Variants in CDK8 observed in about 807,000 individuals in gnomAD.
CDK8 encodes cyclin-dependent kinase 8.
CDK8 carries 29 observed loss-of-function variants against 71.5 expected under a neutral mutation model. That is an observed-to-expected ratio of 0.41 (90% CI 0.30 to 0.55). The LOEUF (loss-of-function observed/expected upper bound fraction) is 0.55, where lower values mean the gene tolerates loss of function less well. CDK8 is among the 20% of genes least tolerant of loss of function. The probability of loss-of-function intolerance (pLI) is 0.37; values close to 1 mark genes in which losing one functional copy is unlikely to be tolerated. For synonymous variants in CDK8, 161 were observed against 192.1 expected, an observed-to-expected ratio of 0.84 and a Z score of 1.34; for missense variants, 288 against 572.6, an observed-to-expected ratio of 0.50 and a Z score of 5.07.
At chr13:26,398,152 A>G (rs570895641) in intron 9 of CDK8, among the ~76,000 whole-genome samples, 3 of 152,246 alleles carry the variant, frequency 2.0e-5, no homozygotes, top group African/African-American at 7.2e-5. Context: ...TATATCATGT[A>G]TTTCATATCT....
chr13:26,348,228 T>G (rs1253306923), intron 2 of CDK8, among the ~76,000 whole-genome samples: 1 of 152,108 alleles, frequency 6.6e-6, no homozygotes, highest in Non-Finnish European at 1.5e-5. Flanking sequence ...TTAGGAAGAT[T>G]CTTAGGGACA....
chr13:26,374,679 AGAGT>A (rs1874863337), intron 4 of CDK8, among the ~76,000 whole-genome samples: 1 of 152,196 alleles, frequency 6.6e-6, no homozygotes, highest in Non-Finnish European at 1.5e-5. Context: ...ACAAAACTAC[AGAGT>A]AAGTCATATG....
At chr13:26,389,555 A>C (rs1490363618) in intron 6 of CDK8, among the ~76,000 whole-genome samples, 1 of 152,124 alleles carries the variant, frequency 6.6e-6, no homozygotes, top group Non-Finnish European at 1.5e-5. Context: ...AAACCAAGGT[A>C]AGTGCCATTT....
chr13:26,272,327 A>G (rs190985212), intron 1 of CDK8, among the ~76,000 whole-genome samples: 154 of 152,170 alleles, frequency 1.0e-3, no homozygotes, highest in Admixed American at 2.6e-3. Context: ...AAGAAAAAAA[A>G]GTTTTTATTT....
At chr13:26,298,016 C>T (rs1873642772) in intron 1 of CDK8, among the ~76,000 whole-genome samples, 1 of 152,014 alleles carries the variant, frequency 6.6e-6, no homozygotes, top group African/African-American at 2.4e-5. Flanking sequence ...CCTATTAAAG[C>T]CTCCTCCACC....
chr13:26,255,500 T>C (rs1871484165), intron 1 of CDK8, among the ~76,000 whole-genome samples: 1 of 152,214 alleles, frequency 6.6e-6, no homozygotes, highest in Non-Finnish European at 1.5e-5. Flanking sequence ...TATTCTTCCC[T>C]AGTAACAACT....
intron 4 of CDK8, among the ~76,000 whole-genome samples, chr13:26,358,027 C>A (rs1253671167): frequency 1.3e-5 from 2 of 152,176 alleles, no homozygotes; most frequent in African/African-American, 4.8e-5. Context: ...CTTGGCTGGG[C>A]ATGGTGGCTC....
At chr13:26,363,327 C>CTAAAAAAAAAAAAA (rs1874234642) in intron 4 of CDK8, among the ~76,000 whole-genome samples, 1 of 45,240 alleles carries the variant, frequency 2.2e-5, no homozygotes, top group African/African-American at 1.0e-4. Context: ...GACTCCATCT[C>CTAAAAAAAAAAAAA]AAAAAAAAAA....
At chr13:26,393,311 TTTTC>T in intron 6 of CDK8, 52 bp from the exon 7 acceptor site, 6 of 1,216,352 alleles carry the variant, frequency 4.9e-6, no homozygotes, top group Non-Finnish European at 5.7e-6. Flanking sequence ...GCACCTTTCT[TTTTC>T]TTTTTTCCTT....
At chr13:26,300,947 A>G (rs1476012074) in intron 1 of CDK8, among the ~76,000 whole-genome samples, 1 of 152,216 alleles carries the variant, frequency 6.6e-6, no homozygotes, top group Non-Finnish European at 1.5e-5. Flanking sequence ...TAGTCTATTT[A>G]TAGCCCTGGG....
At position 26,254,304 on chromosome 13, in the gene CDK8, G is replaced by C. The variant is rs1207515383; in HGVS notation, c.-338G>C. 1 of 283,718 alleles carries C rather than the reference G, an allele frequency of 3.5e-6. No individual in the cohort carries two copies. The highest frequency in any genetic ancestry group is 2.2e-5 in the African/African-American group (1 of 45,498). The allele number at this position is 283,718 out of a possible 1,614,324, so 17.6% of individuals were successfully genotyped here. On this transcript the variant is annotated 5_prime_UTR_variant, in exon 1 of 13. Transcript: ENST00000381527. This position sits in a 1 kb window ranked among gnomAD's most constrained non-coding sequence, Gnocchi z 6.7. ...CGCCGCAGCAGGAGCAGAACGCGCGGCCGGAGAGAGCGGCGGAGCCGGCGC... is the reference window on the plus strand; with the variant it reads ...CGCCGCAGCAGGAGCAGAACGCGCGCCCGGAGAGAGCGGCGGAGCCGGCGC...
At chr13:26,310,578 G>A (rs777914227) in intron 1 of CDK8, among the ~76,000 whole-genome samples, 1 of 152,044 alleles carries the variant, frequency 6.6e-6, no homozygotes, top group Non-Finnish European at 1.5e-5. Flanking sequence ...TTCACAATAG[G>A]GTCCGTTCTC....
At chr13:26,278,644 G>C (rs1168360370) in intron 1 of CDK8, among the ~76,000 whole-genome samples, 5 of 152,162 alleles carry the variant, frequency 3.3e-5, no homozygotes, top group Non-Finnish European at 4.4e-5. Context: ...AATTCTGTTT[G>C]TGCTCTAGTG....
At chr13:26,316,852 A>T (rs1005841364) in intron 1 of CDK8, among the ~76,000 whole-genome samples, 1 of 152,214 alleles carries the variant, frequency 6.6e-6, no homozygotes, top group African/African-American at 2.4e-5. Flanking sequence ...ATATTCCTTG[A>T]AAAAGACCTG....
chr13:26,372,329 G>A (rs988277723), intron 4 of CDK8, among the ~76,000 whole-genome samples: 1 of 152,042 alleles, frequency 6.6e-6, no homozygotes, highest in African/African-American at 2.4e-5. Flanking sequence ...GTACAAATAG[G>A]CAGAAACATA....
chr13:26,397,350 G>A, intron 9 of CDK8, 125 bp downstream of exon 9: 1 of 619,448 alleles, frequency 1.6e-6, no homozygotes, highest in African/African-American at 1.9e-5. Context: ...CATGGTAAAT[G>A]CAGAGATCTT....
At chr13:26,368,533 G>A (rs1874503032) in intron 4 of CDK8, among the ~76,000 whole-genome samples, 2 of 152,166 alleles carry the variant, frequency 1.3e-5, no homozygotes, top group African/African-American at 4.8e-5. Context: ...CACGGAGGCT[G>A]AGACACATCT....
At chr13:26,400,702 G>A in intron 10 of CDK8, 152 bp downstream of exon 10, 1 of 621,846 alleles carries the variant, frequency 1.6e-6, no homozygotes, top group South Asian at 1.9e-5. Flanking sequence ...TGATTAAAGT[G>A]TCATTTAGGG....
At chr13:26,289,659 T>C (rs1873204772) in intron 1 of CDK8, among the ~76,000 whole-genome samples, 3 of 152,044 alleles carry the variant, frequency 2.0e-5, no homozygotes, top group Non-Finnish European at 4.4e-5. Context: ...CACGCCATTC[T>C]CCTGCCTCAG....
Sources: gnomAD v4.1 joint callset for allele counts (sites outside exome capture counted in the v4.1 genomes callset) on GRCh38, gnomAD v4.1.1 for gene constraint, Gnocchi (gnomAD v3.1) non-coding constraint, MANE v1.5 for transcripts, NCBI Gene and HGNC (gene_info 2026-07-23, HGNC 2026-07-21) for gene names.